UNC13C: variants seen among roughly 807,000 people sequenced by gnomAD.
The protein encoded by UNC13C is unc-13 homolog C.
UNC13C carries 174 observed loss-of-function variants against 245.4 expected under a neutral mutation model. That is an observed-to-expected ratio of 0.71 (90% CI 0.63 to 0.80). UNC13C has a LOEUF of 0.80. UNC13C is among the 30% of genes least tolerant of loss of function. The probability of loss-of-function intolerance (pLI) is 0.00; values close to 1 mark genes in which losing one functional copy is unlikely to be tolerated. For missense variants in UNC13C, 2,829 were observed against 2,602.9 expected (o/e 1.09, Z -1.89); for synonymous variants, 992 against 895.1 (o/e 1.11, Z -1.93).
chr15:54,578,242 G>A (rs1056584116), intron 30 of UNC13C, among the ~76,000 whole-genome samples: 6 of 152,286 alleles, frequency 3.9e-5, no homozygotes, highest in African/African-American at 1.4e-4. Context: ...CACTTTTAAT[G>A]TACTGGCAGA....
At chr15:53,975,916 C>A (rs1343502958), upstream of UNC13C, among the ~76,000 whole-genome samples, 2 of 152,170 alleles carry the variant, frequency 1.3e-5, no homozygotes, top group African/African-American at 4.8e-5. Flanking sequence ...ATAGAAATTA[C>A]TTCTTATCCT....
chr15:54,297,649 T>C (rs2037471174), intron 11 of UNC13C, among the ~76,000 whole-genome samples, 162 bp from the exon 12 acceptor site: 1 of 152,216 alleles, frequency 6.6e-6, no homozygotes, highest in Non-Finnish European at 1.5e-5. Flanking sequence ...CTACCACATA[T>C]GGCCTCATCA....
chr15:54,588,660 C>A (rs1337612899), intron 30 of UNC13C, among the ~76,000 whole-genome samples: 1 of 152,152 alleles, frequency 6.6e-6, no homozygotes, highest in Non-Finnish European at 1.5e-5. Flanking sequence ...CTCCCAAGTT[C>A]CCGAAGTCCA....
chr15:54,555,019 TAA>T (rs1353791433), intron 28 of UNC13C, among the ~76,000 whole-genome samples: 1 of 152,042 alleles, frequency 6.6e-6, no homozygotes, highest in Non-Finnish European at 1.5e-5. Context: ...GCATTATATT[TAA>T]AATAGACTTT....
At chr15:54,077,320 T>C (rs1187348630) in intron 2 of UNC13C, among the ~76,000 whole-genome samples, 1 of 151,862 alleles carries the variant, frequency 6.6e-6, no homozygotes, top group Admixed American at 6.6e-5. Flanking sequence ...CAGCAAGATT[T>C]TCATTCTTAA....
At chr15:54,533,143 T>C in intron 26 of UNC13C, 77 bp downstream of exon 26, 3 of 1,129,886 alleles carry the variant, frequency 2.7e-6, no homozygotes, top group Non-Finnish European at 3.8e-6. Flanking sequence ...AAACATTGTT[T>C]TCCTCTGTGT....
At chr15:54,558,093 G>A (rs988238402) in intron 29 of UNC13C, among the ~76,000 whole-genome samples, 7 of 151,978 alleles carry the variant, frequency 4.6e-5, no homozygotes, top group Admixed American at 2.6e-4. Flanking sequence ...CACGCTCTGG[G>A]GACTGTTGTG....
At chr15:54,072,357 T>C (rs529236109) in intron 2 of UNC13C, among the ~76,000 whole-genome samples, 13 of 152,318 alleles carry the variant, frequency 8.5e-5, no homozygotes, top group African/African-American at 3.1e-4. Context: ...ATAGATAAAA[T>C]TGGTAATAAA....
intron 19 of UNC13C, among the ~76,000 whole-genome samples, chr15:54,422,490 A>C (rs1376687767): frequency 2.0e-5 from 3 of 152,040 alleles, no homozygotes; most frequent in Non-Finnish European, 2.9e-5. Flanking sequence ...CATTATTTTT[A>C]CTATGGCGTA....
intron 17 of UNC13C, among the ~76,000 whole-genome samples, chr15:54,373,633 T>C (rs1036882156): frequency 6.6e-5 from 10 of 152,166 alleles, no homozygotes; most frequent in African/African-American, 2.4e-4. Flanking sequence ...CCAGGAACCA[T>C]AGAGTCCCAA....
chr15:54,533,817 A>G (rs1895866959), intron 26 of UNC13C, among the ~76,000 whole-genome samples: 1 of 152,194 alleles, frequency 6.6e-6, no homozygotes, highest in South Asian at 2.1e-4. Flanking sequence ...ATGTGTCCAC[A>G]GTTGGGATTG....
At chr15:54,198,032 G>C (rs1275255728) in intron 4 of UNC13C, among the ~76,000 whole-genome samples, 1 of 152,106 alleles carries the variant, frequency 6.6e-6, no homozygotes, top group South Asian at 2.1e-4. Flanking sequence ...TGGGAGTGGG[G>C]TGAGGCTTGT....
intron 30 of UNC13C, among the ~76,000 whole-genome samples, chr15:54,596,753 T>C (rs1367237215): frequency 6.6e-6 from 1 of 152,178 alleles, no homozygotes; most frequent in African/African-American, 2.4e-5. Context: ...TATTGCTCTA[T>C]TAGTTCACAT....
At chr15:54,245,971 A>G (rs770746817) in intron 7 of UNC13C, among the ~76,000 whole-genome samples, 3 of 152,076 alleles carry the variant, frequency 2.0e-5, no homozygotes, top group African/African-American at 4.8e-5. Flanking sequence ...GAGAGAAACA[A>G]TGTGGCAAAT....
At chr15:54,091,099 A>T (rs978895958) in intron 2 of UNC13C, among the ~76,000 whole-genome samples, 8 of 151,900 alleles carry the variant, frequency 5.3e-5, no homozygotes, top group African/African-American at 1.9e-4. Context: ...GTATCCAACC[A>T]TGACCTTCCT....
chr15:53,949,496 C>T, the UNC13C span, among the ~76,000 whole-genome samples: 1 of 152,196 alleles, frequency 6.6e-6, no homozygotes, highest in South Asian at 2.1e-4. Flanking sequence ...AAAGATTTGA[C>T]TATGATCTTG....
In UNC13C at chr15:54,014,713, C is replaced by T; in HGVS notation, c.1810C>T (p.Gln604Ter). Residue 604 changes from glutamine to a stop codon, truncating the protein, a stop_gained, in exon 2 of 33, where the codon CAG becomes TAG. Coordinates refer to ENST00000260323, the MANE Select transcript of UNC13C (RefSeq NM_001080534.3). LOFTEE classifies it high-confidence loss of function. ...GACCCTGTATGACAGTCCCAAGGACCAGCATTTGAATGGAGGTGTTCAGGG... is the reference window on the plus strand; with the variant it reads ...GACCCTGTATGACAGTCCCAAGGACTAGCATTTGAATGGAGGTGTTCAGGG... The part of the protein sequence containing the change: ...TATLYDSPKD[Q>*]HLNGGVQGIQ... The T allele has an allele frequency of 6.2e-7, 1 of 1,613,776 alleles. No individual in the cohort carries two copies. The highest frequency in any genetic ancestry group is 1.1e-5 in the South Asian group (1 of 91,076).
the UNC13C span, among the ~76,000 whole-genome samples, chr15:53,925,006 G>A: frequency 6.6e-6 from 1 of 152,162 alleles, no homozygotes; most frequent in South Asian, 2.1e-4. Context: ...AGAAAATTGT[G>A]CTTTCACAGC....
chr15:54,138,419 C>T (rs1452972094), intron 2 of UNC13C, among the ~76,000 whole-genome samples: 1 of 129,756 alleles, frequency 7.7e-6, no homozygotes, highest in Non-Finnish European at 1.7e-5. Context: ...AAGTCTATTT[C>T]TATATATAAC....
Sources: allele counts gnomAD v4.1 joint callset (sites outside exome capture counted in the v4.1 genomes callset), GRCh38; gene constraint gnomAD v4.1.1; transcripts MANE v1.5; gene names NCBI Gene and HGNC (gene_info 2026-07-23, HGNC 2026-07-21).